Variants in NKAIN2 observed in about 807,000 individuals in gnomAD.
NKAIN2 encodes sodium/potassium transporting ATPase interacting 2.
NKAIN2 carries 14 observed loss-of-function variants against 32.6 expected under a neutral mutation model. That is an observed-to-expected ratio of 0.43 (90% CI 0.28 to 0.67). NKAIN2 has a LOEUF of 0.67. NKAIN2 is among the 30% of genes least tolerant of loss of function. NKAIN2 has a pLI of 0.17. For missense variants in NKAIN2, 198 were observed against 258.3 expected (o/e 0.77, Z 1.60); for synonymous variants, 80 against 87.2 (o/e 0.92, Z 0.46).
At chr6:123,850,973 A>G (rs1775317285) in intron 1 of NKAIN2, among the ~76,000 whole-genome samples, 1 of 152,084 alleles carries the variant, frequency 6.6e-6, no homozygotes, top group Non-Finnish European at 1.5e-5. Flanking sequence ...GGCTTATTTC[A>G]CTTAACAGTG....
chr6:124,715,947 T>C (rs1775731380), intron 4 of NKAIN2, among the ~76,000 whole-genome samples: 1 of 152,178 alleles, frequency 6.6e-6, no homozygotes, highest in Non-Finnish European at 1.5e-5. Context: ...ATAAGAACAA[T>C]GTCTCAAAGT....
intron 2 of NKAIN2, 66 bp downstream of exon 2, chr6:124,283,208 C>A: frequency 8.9e-7 from 1 of 1,121,430 alleles, no homozygotes; most frequent in Non-Finnish European, 1.3e-6. Context: ...ACTCCAAATG[C>A]CTTGAAAACT....
intron 3 of NKAIN2, among the ~76,000 whole-genome samples, chr6:124,494,257 TC>T (rs1249226547): frequency 3.9e-5 from 6 of 152,116 alleles, no homozygotes; most frequent in Admixed American, 3.9e-4. Context: ...CTGACACATA[TC>T]AGATGCTAAA....
chr6:123,857,048 ATACTCT>A (rs1467177413), intron 1 of NKAIN2, among the ~76,000 whole-genome samples: 2 of 152,156 alleles, frequency 1.3e-5, no homozygotes, highest in African/African-American at 2.4e-5. Flanking sequence ...TTGAAGTATA[ATACTCT>A]TAATCTTTTA....
Position 124,211,316 on chromosome 6 carries a change from C to T in NKAIN2, c.55-71689C>T, listed in dbSNP as rs1791164405. Among the ~76,000 whole-genome samples, 5 of 151,880 alleles carry T rather than the reference C, an allele frequency of 3.3e-5. No homozygotes were observed. The South Asian group carries it at 1.0e-3, about 31-fold the overall frequency. ...CAATATATTTAAAAAAGATTTTAAA[C>T]ATAGTGGGTATTCAGAAGGTGTTAC... On this transcript the variant is annotated intron_variant, in intron 1 of 6. Transcript: ENST00000368417.
intron 1 of NKAIN2, among the ~76,000 whole-genome samples, chr6:124,152,059 A>G (rs2114397622): frequency 6.6e-6 from 1 of 151,918 alleles, no homozygotes; most frequent in Admixed American, 6.6e-5. Context: ...AGTTTCCTAT[A>G]TTTTACCCTA....
chr6:124,002,533 T>C (rs1345370860), intron 1 of NKAIN2, among the ~76,000 whole-genome samples: 3 of 152,178 alleles, frequency 2.0e-5, no homozygotes, highest in East Asian at 3.9e-4. Context: ...TCCTGACCAG[T>C]AATCCACCCT....
chr6:123,882,461 A>G (rs1164847520), intron 1 of NKAIN2, among the ~76,000 whole-genome samples: 2 of 152,156 alleles, frequency 1.3e-5, no homozygotes, highest in Non-Finnish European at 2.9e-5. Flanking sequence ...TAATAGAAGG[A>G]GGTAATTTAC....
At chr6:124,658,417 G>T in intron 4 of NKAIN2, 31 bp downstream of exon 4, 1 of 1,614,024 alleles carries the variant, frequency 6.2e-7, no homozygotes, top group South Asian at 1.1e-5. Flanking sequence ...GCTCCTTCTA[G>T]TGCCTCTGGG....
intron 1 of NKAIN2, among the ~76,000 whole-genome samples, chr6:124,219,719 T>C (rs968020250): frequency 6.6e-6 from 1 of 152,148 alleles, no homozygotes; most frequent in African/African-American, 2.4e-5. Context: ...AGGAAGAAGG[T>C]ATTTCCTGAG....
At chr6:124,629,679 A>C (rs505959) in intron 3 of NKAIN2, among the ~76,000 whole-genome samples, 126,074 of 152,124 alleles carry the variant, frequency 0.83, 52,422 homozygotes, top group African/African-American at 0.89. Flanking sequence ...CCACCAAAAC[A>C]TTTTCCCAAT....
chr6:124,672,614 T>G (rs948781262), intron 4 of NKAIN2, among the ~76,000 whole-genome samples: 4 of 152,096 alleles, frequency 2.6e-5, no homozygotes, highest in Non-Finnish European at 5.9e-5. Flanking sequence ...TCATGAATAT[T>G]TATAATATAT....
intron 1 of NKAIN2, among the ~76,000 whole-genome samples, chr6:124,067,411 C>T (rs375102555): frequency 6.6e-6 from 1 of 152,028 alleles, no homozygotes; most frequent in South Asian, 2.1e-4. Flanking sequence ...TTTTTGACCA[C>T]ATTCCATTAT....
intron 1 of NKAIN2, among the ~76,000 whole-genome samples, chr6:124,120,943 T>A (rs146400931): frequency 1.3e-5 from 2 of 152,264 alleles, no homozygotes; most frequent in African/African-American, 4.8e-5. Context: ...AAGAAACTGA[T>A]ACTCATGGTT....
intron 4 of NKAIN2, among the ~76,000 whole-genome samples, chr6:124,769,557 TA>T (rs1356234197): frequency 6.6e-6 from 1 of 152,266 alleles, no homozygotes; most frequent in Admixed American, 6.5e-5. Context: ...TTTGAAAGAT[TA>T]TAAAAAAACT....
chr6:123,871,646 G>A lies in NKAIN2; in HGVS notation c.54+67392G>A, dbSNP rs541897417. On this transcript the variant is annotated intron_variant, in intron 1 of 6. Coordinates refer to ENST00000368417, the MANE Select transcript of NKAIN2 (RefSeq NM_001040214.3). ...GGACACTTTTCACATCTGAATGTCT[G>A]TTCCACTTACAATTAGTTGCCTGGA... Among the ~76,000 whole-genome samples the A allele has an allele frequency of 2.5e-3, 382 of 152,278 alleles. 2 individuals are homozygous for A. The highest frequency in any genetic ancestry group is 8.6e-3 in the African/African-American group (359 of 41,548).
intron 3 of NKAIN2, among the ~76,000 whole-genome samples, chr6:124,429,873 T>C (rs1457464611): frequency 6.6e-6 from 1 of 152,132 alleles, no homozygotes; most frequent in Non-Finnish European, 1.5e-5. Flanking sequence ...CAGTTGAATG[T>C]ACTTAAAAAA....
chr6:124,760,001 G>A (rs1198866484), intron 4 of NKAIN2, among the ~76,000 whole-genome samples: 1 of 151,988 alleles, frequency 6.6e-6, no homozygotes, highest in Non-Finnish European at 1.5e-5. Context: ...GAAGTGAATG[G>A]AACAGGGAAC....
chr6:124,725,736 T>C (rs1342494986), intron 4 of NKAIN2, among the ~76,000 whole-genome samples: 2 of 152,202 alleles, frequency 1.3e-5, no homozygotes, highest in African/African-American at 4.8e-5. Flanking sequence ...AGCTCTGGTC[T>C]ACAGCTCCCA....
Sources: gnomAD v4.1 joint callset for allele counts (sites outside exome capture counted in the v4.1 genomes callset) on GRCh38, gnomAD v4.1.1 for gene constraint, MANE v1.5 for transcripts, NCBI Gene and HGNC (gene_info 2026-07-23, HGNC 2026-07-21) for gene names.